The following KLHL29 variants were observed in gnomAD, a reference collection of about 807,000 sequenced individuals.
The protein encoded by KLHL29 is kelch like family member 29.
A neutral mutation model predicts 80.4 loss-of-function variants in KLHL29; 21 were observed. The observed-to-expected ratio is 0.26, with a 90% CI of 0.19 to 0.38. KLHL29 has a LOEUF of 0.38. Among genes scored for constraint, KLHL29 ranks in the 10% least tolerant of loss-of-function variants. KLHL29 has a pLI of 1.00. For missense variants in KLHL29, 867 were observed against 1,223.9 expected, an observed-to-expected ratio of 0.71 and a Z score of 4.35; for synonymous variants, 511 against 526.8, an observed-to-expected ratio of 0.97 and a Z score of 0.41.
intron 1 of KLHL29, among the ~76,000 whole-genome samples, chr2:23,416,728 C>T (rs2103398706): frequency 1.3e-5 from 2 of 152,342 alleles, no homozygotes; most frequent in East Asian, 3.9e-4. Flanking sequence ...GCTAAATAAA[C>T]ATGGTGGCCT....
At chr2:23,542,473 A>G (rs934306027) in intron 2 of KLHL29, among the ~76,000 whole-genome samples, 17 of 152,120 alleles carry the variant, frequency 1.1e-4, no homozygotes, top group Non-Finnish European at 4.4e-5. Context: ...TCCATGGGGC[A>G]TGTGTGCTCT....
At chr2:23,472,957 CACAAAGATGAATAG>C (rs1285673170) in intron 1 of KLHL29, among the ~76,000 whole-genome samples, 1 of 152,086 alleles carries the variant, frequency 6.6e-6, no homozygotes, top group Non-Finnish European at 1.5e-5. Flanking sequence ...AATGACTATC[CACAAAGATGAATAG>C]GCACAGTATA....
At chr2:23,583,939 A>G (rs895478491) in intron 3 of KLHL29, among the ~76,000 whole-genome samples, 3 of 152,130 alleles carry the variant, frequency 2.0e-5, no homozygotes, top group Non-Finnish European at 2.9e-5. Context: ...AGATTCATGG[A>G]CTCGGACACT....
intron 2 of KLHL29, among the ~76,000 whole-genome samples, chr2:23,537,080 G>A (rs151094931): frequency 2.6e-5 from 4 of 152,158 alleles, no homozygotes; most frequent in East Asian, 1.9e-4. Context: ...CTGGTCCCAC[G>A]CCACCTTGCC....
At chr2:23,606,139 A>AGTGTGT (rs752777554) in intron 3 of KLHL29, among the ~76,000 whole-genome samples, 11 of 146,862 alleles carry the variant, frequency 7.5e-5, no homozygotes, top group Admixed American at 5.5e-4. Flanking sequence ...TCCGTGAGCT[A>AGTGTGT]GTGTGTGTGT....
At chr2:23,537,194 C>T (rs1666695699) in intron 2 of KLHL29, among the ~76,000 whole-genome samples, 2 of 152,278 alleles carry the variant, frequency 1.3e-5, no homozygotes, top group Admixed American at 1.3e-4. Context: ...TCGGCTAATT[C>T]AGTTGGTGGG....
At chr2:23,624,485 T>G (rs1669261086) in intron 3 of KLHL29, among the ~76,000 whole-genome samples, 1 of 152,216 alleles carries the variant, frequency 6.6e-6, no homozygotes, top group South Asian at 2.1e-4. Context: ...CCTGCGACAT[T>G]GCCCCTCACT....
In KLHL29 at chr2:23,503,358, G is replaced by C. The variant is rs1394729181; in HGVS notation, c.-46+27691G>C. On this transcript the variant is annotated intron_variant, in intron 2 of 13. Transcript: ENST00000486442. This position sits in a 1 kb window ranked among gnomAD's most constrained non-coding sequence, Gnocchi z 4.0. ...GACTAAAAGGTCACTAAGGTCACTTGTAGCCTGACCTTCCATGGCTCTATA... is the reference window on the plus strand; with the variant it reads ...GACTAAAAGGTCACTAAGGTCACTTCTAGCCTGACCTTCCATGGCTCTATA... Among the ~76,000 whole-genome samples the C allele has an allele frequency of 5.9e-5, 9 of 152,206 alleles. No homozygotes were observed. Among genetic ancestry groups the C allele is most frequent in the Non-Finnish European group, 1.0e-4 (7 of 68,044 alleles).
chr2:23,598,030 A>G (rs1668472955), intron 3 of KLHL29, among the ~76,000 whole-genome samples: 1 of 152,134 alleles, frequency 6.6e-6, no homozygotes, highest in Admixed American at 6.5e-5. Context: ...GGCATCCGAA[A>G]GTCAGTGAGA....
At chr2:23,535,870 T>C (rs1572385367) in intron 2 of KLHL29, among the ~76,000 whole-genome samples, 2 of 152,182 alleles carry the variant, frequency 1.3e-5, no homozygotes, top group Non-Finnish European at 2.9e-5. Flanking sequence ...CTTAATGCCA[T>C]TGAAGTGTAC....
intron 5 of KLHL29, among the ~76,000 whole-genome samples, chr2:23,679,767 G>GGAGGGCA (rs1365392084): frequency 1.3e-5 from 2 of 152,220 alleles, no homozygotes; most frequent in Non-Finnish European, 1.5e-5. Context: ...AGCCTCCGGA[G>GGAGGGCA]GAGGGCAGAG....
chr2:23,624,678 G>C lies in KLHL29; in HGVS notation c.286-14461G>C, dbSNP rs565649307. On this transcript the variant is annotated intron_variant, in intron 3 of 13. Coordinates refer to ENST00000486442, the MANE Select transcript of KLHL29 (RefSeq NM_052920.2). ...TTTGTTTCTTGATAATCCACAGCCT[G>C]TGGGGGAGTCTCTGGCTGCAGCAAC... Among the ~76,000 whole-genome samples, 6 of 152,326 alleles carry C rather than the reference G, an allele frequency of 3.9e-5. No homozygotes were observed. In the South Asian group the frequency reaches 1.2e-3, roughly 32 times the overall value.
chr2:23,640,824 C>T (rs940271398), intron 4 of KLHL29, among the ~76,000 whole-genome samples: 11 of 152,226 alleles, frequency 7.2e-5, no homozygotes, highest in Admixed American at 2.6e-4. Context: ...ATGCAGGCCT[C>T]GTACCGTGGT....
At chr2:23,615,537 T>C (rs1479107382) in intron 3 of KLHL29, among the ~76,000 whole-genome samples, 5 of 152,054 alleles carry the variant, frequency 3.3e-5, no homozygotes. Flanking sequence ...CCCCGGGCTC[T>C]GTGTGAGCCG....
chr2:23,532,671 A>G, intron 2 of KLHL29: 2 of 456,550 alleles, frequency 4.4e-6, no homozygotes, highest in Non-Finnish European at 8.8e-6. Flanking sequence ...GGAGCTCACT[A>G]GAGGCCTGTG....
chr2:23,703,106 C>T (rs760892199), intron 11 of KLHL29, 80 bp from the exon 12 acceptor site: 113 of 1,039,080 alleles, frequency 1.1e-4, no homozygotes, highest in Non-Finnish European at 1.3e-4. Flanking sequence ...GAGCAGATGG[C>T]AGTTTGCTGC....
intron 2 of KLHL29, among the ~76,000 whole-genome samples, chr2:23,497,952 G>A (rs1189256646): frequency 1.3e-5 from 2 of 152,152 alleles, no homozygotes; most frequent in African/African-American, 4.8e-5. Context: ...CAAGATTTCT[G>A]GCCAGAATCC....
intron 2 of KLHL29, among the ~76,000 whole-genome samples, chr2:23,540,701 C>T (rs1170720322): frequency 6.6e-6 from 1 of 152,220 alleles, no homozygotes; most frequent in Non-Finnish European, 1.5e-5. Context: ...ACAACTCAGG[C>T]TTCAGCACAG....
chr2:23,604,565 G>C (rs936030534), intron 3 of KLHL29, among the ~76,000 whole-genome samples: 2 of 152,218 alleles, frequency 1.3e-5, no homozygotes, highest in African/African-American at 4.8e-5. Flanking sequence ...AGGAGCCCTG[G>C]AGGTGGCCTT....
Sources: gnomAD v4.1 joint callset for allele counts (sites outside exome capture counted in the v4.1 genomes callset) on GRCh38, gnomAD v4.1.1 for gene constraint, Gnocchi (gnomAD v3.1) non-coding constraint, MANE v1.5 for transcripts, NCBI Gene and HGNC (gene_info 2026-07-23, HGNC 2026-07-21) for gene names.